The following SPIDR variants were observed in gnomAD, a reference collection of about 807,000 sequenced individuals.
The protein encoded by SPIDR is scaffold protein involved in DNA repair, also known as DNA repair-scaffolding protein.
A neutral mutation model predicts 104.6 loss-of-function variants in SPIDR; 93 were observed. The ratio of observed to expected loss-of-function variants is 0.89; its 90% CI spans 0.75 to 1.06. SPIDR has a LOEUF of 1.06. Ranked by LOEUF, SPIDR falls within the 50% of genes least tolerant of loss-of-function variation. The pLI, the probability that SPIDR is intolerant of heterozygous loss-of-function variation, is 0.00. For missense variants in SPIDR, 1,154 were observed against 1,111.2 expected (o/e 1.04, Z -0.55); for synonymous variants, 431 against 416.9 (o/e 1.03, Z -0.41).
intron 1 of SPIDR, among the ~76,000 whole-genome samples, chr8:47,278,236 G>A (rs1027940852): frequency 1.3e-5 from 2 of 151,718 alleles, no homozygotes; most frequent in African/African-American, 4.8e-5. Flanking sequence ...CAGTGATGCA[G>A]CCTTGACCTT....
intron 19 of SPIDR, among the ~76,000 whole-genome samples, 184 bp from the exon 20 acceptor site, chr8:47,735,111 GGTGTGTGTGTGT>G (rs202076247): frequency 7.4e-6 from 1 of 135,254 alleles, no homozygotes; most frequent in Non-Finnish European, 1.6e-5. Context: ...TGTGTGTGTG[GGTGTGTGTGTGT>G]GTGTGTGTGT....
rs1293158818 is a variant in SPIDR at position 47,589,169 on chromosome 8, G to T, written c.1098-6642G>T. 3.3e-5 allele frequency among the ~76,000 whole-genome samples: 5 copies of T among 151,316 alleles called. No individual in the cohort carries two copies. The South Asian group carries it at 1.0e-3, about 32-fold the overall frequency. ...GGTGCTAGTTCTTCTTTTCCCATTTGTTAGAATTCTCCAGTGAAAGTATCT... is the reference window on the plus strand; with the variant it reads ...GGTGCTAGTTCTTCTTTTCCCATTTTTTAGAATTCTCCAGTGAAAGTATCT... On this transcript the variant is annotated intron_variant, in intron 8 of 19. Coordinates refer to ENST00000297423, the MANE Select transcript of SPIDR (RefSeq NM_001080394.4).
At chr8:47,556,237 A>C (rs1224282852) in intron 8 of SPIDR, among the ~76,000 whole-genome samples, 1 of 152,234 alleles carries the variant, frequency 6.6e-6, no homozygotes, top group Non-Finnish European at 1.5e-5. Context: ...AGATGGCCTC[A>C]GTGGGGCTGG....
At chr8:47,465,172 G>A (rs1564048158) in intron 8 of SPIDR, among the ~76,000 whole-genome samples, 1 of 152,170 alleles carries the variant, frequency 6.6e-6, no homozygotes, top group Non-Finnish European at 1.5e-5. Context: ...CAAATGCTGA[G>A]GGAATTTGTT....
At chr8:47,486,874 T>G (rs1554731755) in intron 8 of SPIDR, among the ~76,000 whole-genome samples, 2 of 152,164 alleles carry the variant, frequency 1.3e-5, no homozygotes, top group African/African-American at 4.8e-5. Context: ...AAGGAACAAC[T>G]GGTAGCAGCC....
intron 8 of SPIDR, among the ~76,000 whole-genome samples, chr8:47,557,888 G>A (rs995335281): frequency 7.2e-5 from 11 of 152,002 alleles, no homozygotes; most frequent in Non-Finnish European, 1.0e-4. Flanking sequence ...CAATAGCAGC[G>A]ACCTGGAATC....
At chr8:47,348,644 T>C (rs1256735539) in intron 5 of SPIDR, among the ~76,000 whole-genome samples, 1 of 152,202 alleles carries the variant, frequency 6.6e-6, no homozygotes, top group Admixed American at 6.5e-5. Flanking sequence ...CTTGGAGGGT[T>C]TGTTCGTTTC....
At chr8:47,575,413 G>T (rs1405647171) in intron 8 of SPIDR, among the ~76,000 whole-genome samples, 1 of 151,952 alleles carries the variant, frequency 6.6e-6, no homozygotes, top group African/African-American at 2.4e-5. Flanking sequence ...GGAGGCCGAG[G>T]CGGGCGGATC....
At chr8:47,288,551 A>G (rs1290555475) in intron 3 of SPIDR, among the ~76,000 whole-genome samples, 2 of 152,192 alleles carry the variant, frequency 1.3e-5, no homozygotes, top group East Asian at 3.9e-4. Flanking sequence ...CCCGAAGTCT[A>G]GGATTACAGG....
At chr8:47,627,838 G>C (rs542887533) in intron 10 of SPIDR, among the ~76,000 whole-genome samples, 1 of 152,332 alleles carries the variant, frequency 6.6e-6, no homozygotes, top group African/African-American at 2.4e-5. Context: ...ACTGGCCGGA[G>C]TGGAATGGAG....
At chr8:47,644,443 G>A (rs767789860) in intron 10 of SPIDR, among the ~76,000 whole-genome samples, 12 of 152,192 alleles carry the variant, frequency 7.9e-5, no homozygotes, top group Non-Finnish European at 1.5e-4. Flanking sequence ...GTGCTTGCTA[G>A]GCATTACAAA....
chr8:47,472,717 A>C (rs2075868413), intron 8 of SPIDR, among the ~76,000 whole-genome samples: 1 of 152,364 alleles, frequency 6.6e-6, no homozygotes, highest in East Asian at 1.9e-4. Flanking sequence ...TTCATGCAAC[A>C]ACCCAAGTAA....
At chr8:47,261,604 T>A (rs896328775) in intron 1 of SPIDR, among the ~76,000 whole-genome samples, 7 of 152,254 alleles carry the variant, frequency 4.6e-5, no homozygotes, top group Non-Finnish European at 7.3e-5. Flanking sequence ...TTAAAGTTTC[T>A]TCTAACTTCC....
chr8:47,355,761 C>A (rs1352636420), intron 5 of SPIDR, among the ~76,000 whole-genome samples: 2 of 152,156 alleles, frequency 1.3e-5, no homozygotes, highest in African/African-American at 4.8e-5. Flanking sequence ...AATATTTATT[C>A]ATTGTTCTTC....
At chr8:47,562,528 CACA>C (rs2154401847) in intron 8 of SPIDR, among the ~76,000 whole-genome samples, 1 of 152,312 alleles carries the variant, frequency 6.6e-6, no homozygotes, top group African/African-American at 2.4e-5. Flanking sequence ...TAGGACCAAA[CACA>C]CAGGGCGCTC....
chr8:47,673,608 C>A, intron 10 of SPIDR, 193 bp from the exon 11 acceptor site: 1 of 696,210 alleles, frequency 1.4e-6, no homozygotes, highest in Non-Finnish European at 2.4e-6. Context: ...TTAATCCTGA[C>A]TCACCCATTT....
At chr8:47,427,752 C>T (rs1389323128) in intron 7 of SPIDR, among the ~76,000 whole-genome samples, 3 of 152,202 alleles carry the variant, frequency 2.0e-5, no homozygotes, top group East Asian at 3.9e-4. Context: ...GGGGTTTCCT[C>T]GGTCTTGTCG....
At chr8:47,563,515 A>G (rs1456694451) in intron 8 of SPIDR, among the ~76,000 whole-genome samples, 1 of 152,122 alleles carries the variant, frequency 6.6e-6, no homozygotes, top group Non-Finnish European at 1.5e-5. Context: ...GGGATTCCAA[A>G]TCCCATGTTC....
chr8:47,451,384 C>A (rs1248641189), intron 8 of SPIDR, among the ~76,000 whole-genome samples: 2 of 151,972 alleles, frequency 1.3e-5, no homozygotes, highest in African/African-American at 4.8e-5. Context: ...GAGTTCAAGA[C>A]CAGCCTGCGC....
Sources: gnomAD v4.1 joint callset for allele counts (sites outside exome capture counted in the v4.1 genomes callset) on GRCh38, gnomAD v4.1.1 for gene constraint, MANE v1.5 for transcripts, NCBI Gene and HGNC (gene_info 2026-07-23, HGNC 2026-07-21) for gene names.